Variants in ZNF804A observed in about 807,000 individuals in gnomAD.
ZNF804A encodes zinc finger protein 804A.
ZNF804A carries 2 observed loss-of-function variants against 16.5 expected under a neutral mutation model. The ratio of observed to expected loss-of-function variants is 0.12; its 90% CI spans 0.05 to 0.38. ZNF804A has a LOEUF of 0.38. Among genes scored for constraint, ZNF804A ranks in the 10% least tolerant of loss-of-function variants. The pLI is 0.99. For missense variants in ZNF804A, 1,473 were observed against 1,390.7 expected (o/e 1.06, Z -0.94); for synonymous variants, 534 against 489.6 (o/e 1.09, Z -1.20).
chr2:184,604,113 C>CCAATAGTT (rs1287899678), intron 1 of ZNF804A, among the ~76,000 whole-genome samples: 1 of 137,098 alleles, frequency 7.3e-6, no homozygotes, highest in Non-Finnish European at 1.5e-5. Context: ...CACTTCTGCA[C>CCAATAGTT]CAATAGTTTC....
At chr2:184,849,934 A>C (rs936225830) in intron 1 of ZNF804A, among the ~76,000 whole-genome samples, 1 of 152,012 alleles carries the variant, frequency 6.6e-6, no homozygotes, top group Admixed American at 6.6e-5. Flanking sequence ...ATGTAACTGG[A>C]GGTCATTATG....
chr2:184,842,025 C>T (rs1360481707), intron 1 of ZNF804A, among the ~76,000 whole-genome samples: 2 of 152,068 alleles, frequency 1.3e-5, no homozygotes, highest in Non-Finnish European at 2.9e-5. Context: ...GAATGTAGTG[C>T]TTTTTTGTAG....
At chr2:184,645,967 G>C (rs1431110358) in intron 1 of ZNF804A, among the ~76,000 whole-genome samples, 1 of 152,166 alleles carries the variant, frequency 6.6e-6, no homozygotes, top group East Asian at 1.9e-4. Flanking sequence ...GGATGAGGGA[G>C]AGCGCTTTGT....
Position 184,701,674 on chromosome 2 carries a change from C to CT in ZNF804A, c.111+102612dup, listed in dbSNP as rs908354502. On this transcript the variant is annotated intron_variant, in intron 1 of 3. Transcript: ENST00000302277. ...GCTTGATTTTCTTAAAAATCAGGTT[C>CT]TTTTTTTTCTCCAGGTTGATATCAT... Among the ~76,000 whole-genome samples the CT allele has an allele frequency of 7.3e-5, 11 of 151,712 alleles. No homozygotes were observed. The South Asian group carries it at 1.2e-3, about 17-fold the overall frequency.
At chr2:184,803,956 G>A (rs544797243) in intron 1 of ZNF804A, among the ~76,000 whole-genome samples, 7 of 152,108 alleles carry the variant, frequency 4.6e-5, no homozygotes, top group East Asian at 1.9e-4. Context: ...TCCGCCTCCC[G>A]GGTTCAAGTG....
At chr2:184,690,840 A>G (rs1157199459) in intron 1 of ZNF804A, among the ~76,000 whole-genome samples, 2 of 152,038 alleles carry the variant, frequency 1.3e-5, no homozygotes, top group Non-Finnish European at 2.9e-5. Context: ...TTTTGTATTT[A>G]CTTATATAAC....
chr2:184,694,022 T>C (rs999948470), intron 1 of ZNF804A, among the ~76,000 whole-genome samples: 8 of 151,904 alleles, frequency 5.3e-5, no homozygotes, highest in East Asian at 1.9e-4. Context: ...CTCCACCTTT[T>C]AGGTTCAAGT....
Position 184,939,217 on chromosome 2 carries a change from T to A in ZNF804A, c.*191T>A, listed in dbSNP as rs1194578084. 1 of 613,128 alleles carries A rather than the reference T, an allele frequency of 1.6e-6. No homozygotes were observed. Among genetic ancestry groups the A allele is most frequent in the East Asian group, 2.8e-5 (1 of 35,112 alleles). 38.0% of individuals were successfully genotyped at this position (613,128 alleles called of 1,614,324 possible). A position where few individuals can be genotyped will look rare whatever the true frequency, so the allele number is the denominator to read the frequency against. On this transcript the variant is annotated 3_prime_UTR_variant, in exon 4 of 4. Coordinates refer to ENST00000302277, the MANE Select transcript of ZNF804A (RefSeq NM_194250.2). Reference sequence around the variant, plus strand: ...TCCCTAAGTTTCTGATATATAATATTATTAAAGCACTGAATAGTTTGAAAA... The same window carrying A: ...TCCCTAAGTTTCTGATATATAATATAATTAAAGCACTGAATAGTTTGAAAA...
At chr2:184,687,889 C>T (rs1024007848) in intron 1 of ZNF804A, among the ~76,000 whole-genome samples, 33 of 152,096 alleles carry the variant, frequency 2.2e-4, no homozygotes, top group African/African-American at 7.7e-4. Context: ...GAGGCCAAGG[C>T]GGGTGGATCA....
At chr2:184,642,223 A>G (rs1691806264) in intron 1 of ZNF804A, among the ~76,000 whole-genome samples, 3 of 152,114 alleles carry the variant, frequency 2.0e-5, no homozygotes, top group Admixed American at 2.0e-4. Flanking sequence ...CAAGGTATTA[A>G]ATTGTTTAAT....
intron 1 of ZNF804A, among the ~76,000 whole-genome samples, chr2:184,751,319 A>G (rs765686429): frequency 1.6e-4 from 24 of 151,464 alleles, no homozygotes; most frequent in Admixed American, 4.6e-4. Context: ...CTGGATATCC[A>G]CATGCAAAAA....
intron 2 of ZNF804A, among the ~76,000 whole-genome samples, chr2:184,927,938 C>A (rs1042182886): frequency 3.3e-5 from 5 of 152,074 alleles, no homozygotes; most frequent in African/African-American, 1.2e-4. Flanking sequence ...ATCCTGGATT[C>A]AGGGACCCCA....
chr2:184,742,682 C>G (rs1419790430), intron 1 of ZNF804A, among the ~76,000 whole-genome samples: 1 of 150,940 alleles, frequency 6.6e-6, no homozygotes, highest in Non-Finnish European at 1.5e-5. Flanking sequence ...TGTTGGTCAC[C>G]TATTAGGTTC....
At chr2:184,756,853 C>A (rs1366487811) in intron 1 of ZNF804A, among the ~76,000 whole-genome samples, 2 of 151,720 alleles carry the variant, frequency 1.3e-5, no homozygotes, top group African/African-American at 4.8e-5. Context: ...AATTTGTTTC[C>A]CTGCTTTTAT....
At position 184,718,506 on chromosome 2, in the gene ZNF804A, C is replaced by T. The variant is rs564342192; in HGVS notation, c.111+119436C>T. 3.3e-5 allele frequency among the ~76,000 whole-genome samples: 5 copies of T among 152,230 alleles called. No homozygotes were observed. In the East Asian group the frequency reaches 9.7e-4, roughly 29 times the overall value. On this transcript the variant is annotated intron_variant, in intron 1 of 3. Transcript: ENST00000302277. ...AGGCAAGTCCCTTCTACCTATGAGCCTATGAAATAAAAAGCAAGTTAGTTA... is the reference window on the plus strand; with the variant it reads ...AGGCAAGTCCCTTCTACCTATGAGCTTATGAAATAAAAAGCAAGTTAGTTA...
chr2:184,899,492 G>A (rs1685142721), intron 2 of ZNF804A, among the ~76,000 whole-genome samples: 1 of 151,872 alleles, frequency 6.6e-6, no homozygotes, highest in South Asian at 2.1e-4. Flanking sequence ...AAATGCAGAT[G>A]GCATGGATTC....
intron 1 of ZNF804A, among the ~76,000 whole-genome samples, chr2:184,720,296 A>G (rs1490487782): frequency 6.6e-6 from 1 of 152,192 alleles, no homozygotes; most frequent in Non-Finnish European, 1.5e-5. Flanking sequence ...ATCAACACCC[A>G]ACTTGGAATA....
chr2:184,915,446 C>T (rs1194414782), intron 2 of ZNF804A, among the ~76,000 whole-genome samples: 3 of 152,036 alleles, frequency 2.0e-5, no homozygotes, highest in Non-Finnish European at 4.4e-5. Flanking sequence ...GCATCAATGC[C>T]TCTTACACTT....
At chr2:184,900,975 G>A (rs745827630) in intron 2 of ZNF804A, among the ~76,000 whole-genome samples, 2 of 152,128 alleles carry the variant, frequency 1.3e-5, no homozygotes, top group Non-Finnish European at 2.9e-5. Flanking sequence ...AAAGGATGCT[G>A]TTCTTGTAGA....
Sources: allele counts gnomAD v4.1 joint callset (sites outside exome capture counted in the v4.1 genomes callset), GRCh38; gene constraint gnomAD v4.1.1; transcripts MANE v1.5; gene names NCBI Gene and HGNC (gene_info 2026-07-23, HGNC 2026-07-21).